The following PPIP5K2 variants were observed in gnomAD, a reference collection of about 807,000 sequenced individuals.
The protein encoded by PPIP5K2 is inositol hexakisphosphate and diphosphoinositol-pentakisphosphate kinase 2.
A neutral mutation model predicts 154.6 loss-of-function variants in PPIP5K2; 105 were observed. That is an observed-to-expected ratio of 0.68 (90% CI 0.58 to 0.80). The LOEUF (loss-of-function observed/expected upper bound fraction) is 0.80, where lower values mean the gene tolerates loss of function less well. PPIP5K2 is among the 30% of genes least tolerant of loss of function. The pLI is 0.00. For missense variants in PPIP5K2, 992 were observed against 1,504.6 expected (o/e 0.66, Z 5.64); for synonymous variants, 480 against 490.3 (o/e 0.98, Z 0.28).
At chr5:103,125,945 C>A (rs988666846) in intron 1 of PPIP5K2, among the ~76,000 whole-genome samples, 1 of 152,158 alleles carries the variant, frequency 6.6e-6, no homozygotes, top group Admixed American at 6.5e-5. Context: ...TATGGCTTCT[C>A]AGTCCTTTGT....
In PPIP5K2 at chr5:103,210,175, A is replaced by G. The variant is rs549502047; in HGVS notation, c.*8541A>G. 6.6e-5 allele frequency: 10 copies of G among 152,316 alleles called. No individual in the cohort carries two copies. Among genetic ancestry groups the G allele is most frequent in the Non-Finnish European group, 1.3e-4 (9 of 68,016 alleles). 9.4% of individuals were successfully genotyped at this position (152,316 alleles called of 1,614,324 possible). A position where few individuals can be genotyped will look rare whatever the true frequency, so the allele number is the denominator to read the frequency against. The stretch of plus-strand genomic sequence containing the variant: ...GTTGACTTCACCAGTGGGAAAAGCA[A>G]TTACTTTTCAAAGTGAAAACTGATC... On this transcript the variant is annotated 3_prime_UTR_variant, in exon 31 of 31. Transcript: ENST00000358359.
intron 4 of PPIP5K2, among the ~76,000 whole-genome samples, chr5:103,137,064 T>C (rs182604460): frequency 1.7e-3 from 265 of 152,330 alleles, no homozygotes; most frequent in African/African-American, 6.1e-3. Context: ...TTAACCGAGA[T>C]TGTTTAATTT....
chr5:103,197,356 T>G (rs1802245144), intron 30 of PPIP5K2, among the ~76,000 whole-genome samples: 1 of 152,024 alleles, frequency 6.6e-6, no homozygotes, highest in South Asian at 2.1e-4. Flanking sequence ...TTTTTATGAA[T>G]TTGTTCATTT....
rs1427897590 is a variant in PPIP5K2 at position 103,210,602 on chromosome 5, C to A, written c.*8968C>A. Reference sequence around the variant, plus strand: ...ATCTTTACCATTCCCTCTACTATTCCTAGCTCCCTTTTCTTTCATAGTCAA... The same window carrying A: ...ATCTTTACCATTCCCTCTACTATTCATAGCTCCCTTTTCTTTCATAGTCAA... On this transcript the variant is annotated 3_prime_UTR_variant, in exon 31 of 31. Coordinates refer to ENST00000358359, the MANE Select transcript of PPIP5K2 (RefSeq NM_001276277.3). The A allele has an allele frequency of 6.6e-6, 1 of 152,026 alleles. No homozygotes were observed. Among genetic ancestry groups the A allele is most frequent in the African/African-American group, 2.4e-5 (1 of 41,402 alleles). 9.4% of individuals were successfully genotyped at this position (152,026 alleles called of 1,614,324 possible). A position where few individuals can be genotyped will look rare whatever the true frequency, so the allele number is the denominator to read the frequency against.
At chr5:103,163,213 C>G (rs562955638) in intron 17 of PPIP5K2, among the ~76,000 whole-genome samples, 44 of 145,276 alleles carry the variant, frequency 3.0e-4, no homozygotes, top group African/African-American at 1.1e-3. Context: ...ATTTTTTTCT[C>G]TAGTCTTTCA....
Position 103,201,526 on chromosome 5 carries a change from A to G in PPIP5K2, c.3624A>G (p.Thr1208=), listed in dbSNP as rs1554230308. ...TTTTGTTTTTGTTTTATGTAGCTAC[A>G]AGTGGACCTTCTAGTGCAGTTGTTC... is the stretch of plus-strand genomic sequence containing the variant. The part of the protein sequence containing the change: ...KSTKASSKPA[T]SGPSSAVVPN... The change falls in exon 31 of 31, where the codon ACA becomes ACG. Residue 1208 remains threonine (T), a synonymous_variant. Coordinates refer to ENST00000358359, the MANE Select transcript of PPIP5K2 (RefSeq NM_001276277.3). 1 of 1,577,874 alleles carries G rather than the reference A, an allele frequency of 6.3e-7. No homozygotes were observed.
At chr5:103,179,910 C>T (rs1022830802) in intron 23 of PPIP5K2, 111 bp from the exon 24 acceptor site, 39 of 873,488 alleles carry the variant, frequency 4.5e-5, no homozygotes, top group Admixed American at 1.1e-4. Context: ...TCTGAGTAAA[C>T]AAACTTGTAT....
chr5:103,206,173 G>A lies in PPIP5K2; in HGVS notation c.*4539G>A, dbSNP rs1236201446. 1 of 152,162 alleles carries A rather than the reference G, an allele frequency of 6.6e-6. No individual in the cohort carries two copies. The highest frequency in any genetic ancestry group is 1.5e-5 in the Non-Finnish European group (1 of 68,030). 9.4% of individuals were successfully genotyped at this position (152,162 alleles called of 1,614,324 possible). A position where few individuals can be genotyped will look rare whatever the true frequency, so the allele number is the denominator to read the frequency against. On this transcript the variant is annotated 3_prime_UTR_variant, in exon 31 of 31. Coordinates refer to ENST00000358359, the MANE Select transcript of PPIP5K2 (RefSeq NM_001276277.3). ...TACACATTTCTGAAGGTCCAAAGGT[G>A]GGGTTGGCTTCAGCCACAGTTGCAT...
At position 103,146,567 on chromosome 5, in the gene PPIP5K2, T is replaced by G. The variant is rs1793796303; in HGVS notation, c.528T>G (p.Asn176Lys). The G allele has an allele frequency of 6.2e-7, 1 of 1,611,706 alleles. No homozygotes were observed. The highest frequency in any genetic ancestry group is 8.5e-7 in the Non-Finnish European group (1 of 1,179,028). The change falls in exon 6 of 31, where the codon AAT (asparagine) becomes AAG (lysine). Residue 176 changes from asparagine (N) to lysine (K), a missense_variant. By Grantham distance (94) the Asn-to-Lys change is moderately conservative. This residue lies in a region of PPIP5K2 where 51 missense variants were observed against 152.2 expected (regional missense o/e 0.33). Transcript: ENST00000358359. ...LIEGEDHVEV[N>K]GEVFQKPFVE... is the part of the protein sequence containing the mutation. ...AAGGGGAAGATCATGTAGAAGTAAA[T>G]GGGGAAGTTTTTCAAAAGCCATTTG...
At chr5:103,154,610 A>G in intron 11 of PPIP5K2, 60 bp from the exon 12 acceptor site, 1 of 1,012,274 alleles carries the variant, frequency 9.9e-7, no homozygotes, top group Non-Finnish European at 1.5e-6. Context: ...GTTAGTTTAA[A>G]CATATATTGG....
intron 19 of PPIP5K2, among the ~76,000 whole-genome samples, chr5:103,169,411 T>A (rs1554218919): frequency 6.6e-6 from 1 of 151,754 alleles, no homozygotes; most frequent in African/African-American, 2.4e-5. Flanking sequence ...AACTTATAAA[T>A]ACACATGTAT....
chr5:103,176,349 A>T (rs2149717668), intron 21 of PPIP5K2, among the ~76,000 whole-genome samples: 1 of 152,138 alleles, frequency 6.6e-6, no homozygotes, highest in Non-Finnish European at 1.5e-5. Context: ...TCAGTATTTA[A>T]ACTCATCATT....
At chr5:103,199,291 C>T (rs112623710) in intron 30 of PPIP5K2, among the ~76,000 whole-genome samples, 2,900 of 152,226 alleles carry the variant, frequency 0.019, 92 homozygotes, top group African/African-American at 0.067. Context: ...CGTTTGCCTT[C>T]AGCCTGAAGT....
chr5:103,162,362 T>G (rs192498703), intron 17 of PPIP5K2, among the ~76,000 whole-genome samples: 122 of 150,898 alleles, frequency 8.1e-4, no homozygotes, highest in Middle Eastern at 3.4e-3. Flanking sequence ...TTTTTTTTTT[T>G]TTGTTTTTTT....
chr5:103,144,755 A>G (rs1483447450), intron 5 of PPIP5K2, among the ~76,000 whole-genome samples: 2 of 152,132 alleles, frequency 1.3e-5, no homozygotes, highest in East Asian at 3.8e-4. Context: ...CTCTCCATAT[A>G]CATAATCAAA....
At position 103,120,481 on chromosome 5, in the gene PPIP5K2, C is replaced by G. The variant is rs1461379859; in HGVS notation, c.-292C>G. On this transcript the variant is annotated 5_prime_UTR_variant, in exon 1 of 31. Coordinates refer to ENST00000358359, the MANE Select transcript of PPIP5K2 (RefSeq NM_001276277.3). ...CAACTGCTCGCGTGACGACCGCATT[C>G]GTGGCAGGTGAGGGCCCAAAACCGG... 1 of 456,706 alleles carries G rather than the reference C, an allele frequency of 2.2e-6. No individual in the cohort carries two copies. Among genetic ancestry groups the G allele is most frequent in the East Asian group, 7.0e-5 (1 of 14,382 alleles). 28.3% of individuals were successfully genotyped at this position (456,706 alleles called of 1,614,324 possible). A position where few individuals can be genotyped will look rare whatever the true frequency, so the allele number is the denominator to read the frequency against.
chr5:103,184,756 A>G lies in PPIP5K2; in HGVS notation c.3169+12A>G. 6.2e-7 allele frequency: 1 copy of G among 1,604,472 alleles called. No homozygotes were observed. On this transcript the variant is annotated intron_variant, in intron 26 of 30. Transcript: ENST00000358359. Reference sequence around the variant, plus strand: ...GAATCCTACTGTAGGTATGTGGTGTAAAGGAAATTGTGTTCCATACCCTTC... The same window carrying G: ...GAATCCTACTGTAGGTATGTGGTGTGAAGGAAATTGTGTTCCATACCCTTC...
chr5:103,181,023 C>A (rs907738359), intron 24 of PPIP5K2, among the ~76,000 whole-genome samples: 6 of 151,804 alleles, frequency 4.0e-5, no homozygotes, highest in Non-Finnish European at 8.8e-5. Flanking sequence ...ATATTAAGAT[C>A]TATAAATAGG....
At chr5:103,197,669 G>A (rs903549104) in intron 30 of PPIP5K2, among the ~76,000 whole-genome samples, 6 of 140,982 alleles carry the variant, frequency 4.3e-5, no homozygotes, top group African/African-American at 1.0e-4. Flanking sequence ...TCCACCTCCC[G>A]GGTTCAAGCG....
Sources: gnomAD v4.1 joint callset for allele counts (sites outside exome capture counted in the v4.1 genomes callset) on GRCh38, gnomAD v4.1.1 for gene constraint, gnomAD v4.1.1 regional missense constraint, MANE v1.5 for transcripts, NCBI Gene and HGNC (gene_info 2026-07-23, HGNC 2026-07-21) for gene names.